Variants in VWC2 observed in about 807,000 individuals in gnomAD.
VWC2 encodes the protein von Willebrand factor C domain containing 2.
Under a neutral mutation model 29.8 loss-of-function variants are expected in VWC2, and 14 were observed. The ratio of observed to expected loss-of-function variants is 0.47; its 90% confidence interval spans 0.31 to 0.74. VWC2 has a LOEUF of 0.74. Among genes scored for constraint, VWC2 ranks in the 30% least tolerant of loss-of-function variants. VWC2 has a pLI of 0.05. For synonymous variants in VWC2, 213 were observed against 199.0 expected (o/e 1.07, Z -0.59); for missense variants, 457 against 459.8 (o/e 0.99, Z 0.05).
intron 3 of VWC2, among the ~76,000 whole-genome samples, chr7:49,869,276 G>A (rs886275614): frequency 1.3e-5 from 2 of 152,132 alleles, no homozygotes; most frequent in Non-Finnish European, 2.9e-5. Context: ...AATACACAGT[G>A]AATGAATGGA....
chr7:49,799,763 T>C (rs1788692082), intron 2 of VWC2, among the ~76,000 whole-genome samples: 1 of 152,244 alleles, frequency 6.6e-6, no homozygotes, highest in African/African-American at 2.4e-5. Flanking sequence ...CAAATCTAGA[T>C]GGTGTAGCCT....
At chr7:49,803,697 G>A (rs919128340) in intron 3 of VWC2, among the ~76,000 whole-genome samples, 3 of 152,170 alleles carry the variant, frequency 2.0e-5, no homozygotes, top group Non-Finnish European at 2.9e-5. Context: ...TTGCTGGACC[G>A]AGGCTTGATA....
chr7:49,915,995 G>A lies in VWC2; in HGVS notation c.*3810G>A, dbSNP rs1169239187. The A allele has an allele frequency of 6.6e-6, 1 of 152,132 alleles. No homozygotes were observed. The highest frequency in any genetic ancestry group is 2.4e-5 in the African/African-American group (1 of 41,432). 9.4% of individuals were successfully genotyped at this position (152,132 alleles called of 1,614,324 possible). On this transcript the variant is annotated 3_prime_UTR_variant, in exon 4 of 4. Transcript: ENST00000340652. The stretch of plus-strand genomic sequence containing the variant: ...TATTCTGAAGAATCAGATTAAGAGA[G>A]AACAATTTACTTATTCAGGAATAAG...
At chr7:49,910,978 G>A (rs746583271) in intron 3 of VWC2, among the ~76,000 whole-genome samples, 35 of 152,290 alleles carry the variant, frequency 2.3e-4, no homozygotes, top group South Asian at 4.1e-4. Context: ...AGCTGCCCTC[G>A]GAGGCCTGGA....
chr7:49,773,826 A>T lies in VWC2; in HGVS notation c.-391A>T, dbSNP rs1159678632. The T allele has an allele frequency of 1.3e-5, 2 of 152,294 alleles. No homozygotes were observed. The highest frequency in any genetic ancestry group is 2.9e-5 in the Non-Finnish European group (2 of 68,256). 9.4% of individuals were successfully genotyped at this position (152,294 alleles called of 1,614,324 possible). A position where few individuals can be genotyped will look rare whatever the true frequency, so the allele number is the denominator to read the frequency against. On this transcript the variant is annotated 5_prime_UTR_variant, in exon 1 of 4. Coordinates refer to ENST00000340652, the MANE Select transcript of VWC2 (RefSeq NM_198570.5). ...CCCCGGGGCGCGCTTGGTCTCGGAGAAGCGGGGACGAGGCCGGAGGATGAG... is the reference window on the plus strand; with the variant it reads ...CCCCGGGGCGCGCTTGGTCTCGGAGTAGCGGGGACGAGGCCGGAGGATGAG...
intron 3 of VWC2, among the ~76,000 whole-genome samples, chr7:49,902,789 T>C (rs1317145196): frequency 6.6e-6 from 1 of 152,070 alleles, no homozygotes; most frequent in Non-Finnish European, 1.5e-5. Context: ...TTTTTTGAAA[T>C]ATAAATTTTT....
intron 2 of VWC2, among the ~76,000 whole-genome samples, chr7:49,789,317 G>A (rs1788408494): frequency 3.3e-5 from 3 of 89,814 alleles, no homozygotes; most frequent in Admixed American, 2.5e-4. Flanking sequence ...GAGTGTGGGT[G>A]TAGGTGTGTG....
chr7:49,791,299 C>G (rs1189899681), intron 2 of VWC2, among the ~76,000 whole-genome samples: 3 of 152,196 alleles, frequency 2.0e-5, no homozygotes, highest in Non-Finnish European at 4.4e-5. Flanking sequence ...AGAACTGTGA[C>G]AATGATTTGG....
chr7:49,810,905 T>G (rs1216259326), intron 3 of VWC2, among the ~76,000 whole-genome samples: 2 of 152,174 alleles, frequency 1.3e-5, no homozygotes, highest in African/African-American at 4.8e-5. Context: ...GTTTAAACTA[T>G]GTAACTTTTA....
intron 3 of VWC2, among the ~76,000 whole-genome samples, chr7:49,880,388 G>A (rs1440089162): frequency 6.6e-6 from 1 of 151,722 alleles, no homozygotes; most frequent in Admixed American, 6.6e-5. Flanking sequence ...TTTCTTTCAT[G>A]TTACCATGTT....
At chr7:49,890,720 C>T (rs1239875996) in intron 3 of VWC2, among the ~76,000 whole-genome samples, 1 of 75,052 alleles carries the variant, frequency 1.3e-5, no homozygotes, top group African/African-American at 5.9e-5. Context: ...CATTAAAACA[C>T]AAAGCAAAAC....
At chr7:49,804,425 A>G (rs1275397346) in intron 3 of VWC2, among the ~76,000 whole-genome samples, 3 of 152,164 alleles carry the variant, frequency 2.0e-5, no homozygotes, top group Non-Finnish European at 2.9e-5. Context: ...TGTGCCCTGC[A>G]TGTCGGGGGT....
intron 2 of VWC2, among the ~76,000 whole-genome samples, chr7:49,788,712 T>C (rs1474114656): frequency 7.5e-6 from 1 of 133,314 alleles, no homozygotes; most frequent in Non-Finnish European, 1.6e-5. Flanking sequence ...TGTGAGAGGA[T>C]GTATGGGTGT....
intron 3 of VWC2, among the ~76,000 whole-genome samples, chr7:49,851,648 A>G (rs1398883856): frequency 6.6e-6 from 1 of 152,212 alleles, no homozygotes; most frequent in Non-Finnish European, 1.5e-5. Flanking sequence ...TCATGAGGTC[A>G]GGAGATCGAG....
chr7:49,778,619 G>T (rs900608254), intron 2 of VWC2, among the ~76,000 whole-genome samples: 15 of 152,234 alleles, frequency 9.9e-5, no homozygotes, highest in African/African-American at 3.1e-4. Context: ...ATGTACAAAA[G>T]AGAAAGCAAT....
intron 3 of VWC2, among the ~76,000 whole-genome samples, chr7:49,896,835 A>G (rs1303967770): frequency 1.3e-5 from 2 of 152,070 alleles, no homozygotes; most frequent in Admixed American, 1.3e-4. Flanking sequence ...AATTCATTCA[A>G]TATGAAATAA....
At chr7:49,879,836 C>A (rs984241239) in intron 3 of VWC2, among the ~76,000 whole-genome samples, 12 of 151,978 alleles carry the variant, frequency 7.9e-5, no homozygotes, top group Non-Finnish European at 1.3e-4. Flanking sequence ...TTTCTCATTT[C>A]CCTTTTTATG....
In VWC2 at chr7:49,914,857, G is replaced by A. The variant is rs1002632810; in HGVS notation, c.*2672G>A. The stretch of plus-strand genomic sequence containing the variant: ...AGATAGCACAGAAAAGGGGGCCTCA[G>A]AATTCAAGTATAGAAGTTCTGGAAA... On this transcript the variant is annotated 3_prime_UTR_variant, in exon 4 of 4. Transcript: ENST00000340652. 1 of 152,100 alleles carries A rather than the reference G, an allele frequency of 6.6e-6. No homozygotes were observed. Among genetic ancestry groups the A allele is most frequent in the Non-Finnish European group, 1.5e-5 (1 of 68,014 alleles). 9.4% of individuals were successfully genotyped at this position (152,100 alleles called of 1,614,324 possible).
intron 2 of VWC2, among the ~76,000 whole-genome samples, chr7:49,785,799 A>G (rs1198224798): frequency 6.6e-6 from 1 of 152,254 alleles, no homozygotes; most frequent in Non-Finnish European, 1.5e-5. Flanking sequence ...GCCTAAAGAA[A>G]GATACTTTAT....
Sources: gnomAD v4.1 joint callset for allele counts (sites outside exome capture counted in the v4.1 genomes callset) on GRCh38, gnomAD v4.1.1 for gene constraint, MANE v1.5 for transcripts, NCBI Gene and HGNC (gene_info 2026-07-23, HGNC 2026-07-21) for gene names.